SLC22A23: variants seen among roughly 807,000 people sequenced by gnomAD.
The protein encoded by SLC22A23 is ion transporter protein.
A neutral mutation model predicts 61.0 loss-of-function variants in SLC22A23; 26 were observed. The observed-to-expected ratio is 0.43, with a 90% CI of 0.31 to 0.59. The LOEUF is 0.59. SLC22A23 is among the 20% of genes least tolerant of loss of function. The pLI, the probability that SLC22A23 is intolerant of heterozygous loss-of-function variation, is 0.11. For missense variants in SLC22A23, 796 were observed against 934.7 expected, an observed-to-expected ratio of 0.85 and a Z score of 1.94; for synonymous variants, 430 against 413.9, an observed-to-expected ratio of 1.04 and a Z score of -0.47.
chr6:3,376,493 T>C (rs1463901722), intron 3 of SLC22A23, among the ~76,000 whole-genome samples: 1 of 152,152 alleles, frequency 6.6e-6, no homozygotes, highest in Non-Finnish European at 1.5e-5. Flanking sequence ...ATGTGCCTTC[T>C]TGTCCTTCTG....
In SLC22A23 at chr6:3,297,783, G is replaced by A. The variant is rs1015420031; in HGVS notation, c.1210+308C>T. Among the ~76,000 whole-genome samples, 3 of 152,208 alleles carry A rather than the reference G, an allele frequency of 2.0e-5. No individual in the cohort carries two copies. Among genetic ancestry groups the A allele is most frequent in the African/African-American group, 7.2e-5 (3 of 41,456 alleles). ...CTCTGGCAGTGTTTAGACCTGGCAG[G>A]CAGGTAGGCTATGGGCCAGACAGCC... On this transcript the variant is annotated intron_variant, in intron 5 of 9. Coordinates refer to ENST00000406686, the MANE Select transcript of SLC22A23 (RefSeq NM_015482.2). The surrounding 1 kb of genome is among the most constrained non-coding windows in gnomAD (Gnocchi z 4.3).
At chr6:3,394,323 A>G (rs1192632892) in intron 3 of SLC22A23, among the ~76,000 whole-genome samples, 1 of 152,186 alleles carries the variant, frequency 6.6e-6, no homozygotes, top group Non-Finnish European at 1.5e-5. Context: ...AGTTCTCACA[A>G]TAATTCCTGT....
At position 3,294,884 on chromosome 6, in the gene SLC22A23, C is replaced by T. The variant is rs371927669; in HGVS notation, c.1210+3207G>A. ...AATTTGAGAACATCAGGTTTTCCCC[C>T]GGCATAAGTCCAAGGTTAGGATGTA... On this transcript the variant is annotated intron_variant, in intron 5 of 9. Coordinates refer to ENST00000406686, the MANE Select transcript of SLC22A23 (RefSeq NM_015482.2). 1.7e-4 allele frequency among the ~76,000 whole-genome samples: 26 copies of T among 152,204 alleles called. No homozygotes were observed. The East Asian group carries it at 1.9e-3, about 11-fold the overall frequency.
At position 3,414,204 on chromosome 6, in the gene SLC22A23, A is replaced by AT. The variant is rs571844640; in HGVS notation, c.758+1547dup. 2.2e-4 allele frequency among the ~76,000 whole-genome samples: 33 copies of AT among 152,264 alleles called. No homozygotes were observed. Among genetic ancestry groups the AT allele is most frequent in the East Asian group, 7.7e-4 (4 of 5,190 alleles). ...ACACTACAACCCCAGTTGAGTTTGCATTTTTTTAGAAAGACAGTGACATGG... is the reference window on the plus strand; with the variant it reads ...ACACTACAACCCCAGTTGAGTTTGCATTTTTTTTAGAAAGACAGTGACATGG... On this transcript the variant is annotated intron_variant, in intron 2 of 9. Coordinates refer to ENST00000406686, the MANE Select transcript of SLC22A23 (RefSeq NM_015482.2). The surrounding 1 kb of genome is among the most constrained non-coding windows in gnomAD (Gnocchi z 5.1).
At chr6:3,279,160 T>TA (rs1034528742) in intron 9 of SLC22A23, among the ~76,000 whole-genome samples, 21 of 152,236 alleles carry the variant, frequency 1.4e-4, no homozygotes, top group Admixed American at 1.2e-3. Flanking sequence ...ATATATAATA[T>TA]GGAATATATC....
chr6:3,433,217 A>G (rs1256639383), intron 1 of SLC22A23, among the ~76,000 whole-genome samples: 2 of 152,194 alleles, frequency 1.3e-5, no homozygotes, highest in Non-Finnish European at 2.9e-5. Flanking sequence ...TCCTCAGAAC[A>G]GCTGCTAAGT....
At chr6:3,277,160 C>T (rs1758987318) in intron 9 of SLC22A23, among the ~76,000 whole-genome samples, 1 of 152,120 alleles carries the variant, frequency 6.6e-6, no homozygotes, top group African/African-American at 2.4e-5. Context: ...TAGGAGGAAC[C>T]AGAGCTGGAG....
intron 1 of SLC22A23, among the ~76,000 whole-genome samples, chr6:3,430,906 A>C (rs1395628226): frequency 6.6e-6 from 1 of 152,096 alleles, no homozygotes; most frequent in Non-Finnish European, 1.5e-5. Flanking sequence ...GTCTCTACTA[A>C]AAATACAAAA....
chr6:3,282,911 A>T (rs1289588042), intron 9 of SLC22A23, among the ~76,000 whole-genome samples: 4 of 152,124 alleles, frequency 2.6e-5, no homozygotes, highest in Non-Finnish European at 5.9e-5. Context: ...GGTCAGCCTC[A>T]CTTTCCGAAC....
chr6:3,433,157 G>T (rs753497820), intron 1 of SLC22A23, among the ~76,000 whole-genome samples: 120 of 152,208 alleles, frequency 7.9e-4, no homozygotes, highest in Non-Finnish European at 1.5e-3. Context: ...AGAGGCGGGA[G>T]GGCCTGGCTG....
Position 3,445,851 on chromosome 6 carries a change from T to C in SLC22A23, c.654+10055A>G, listed in dbSNP as rs1451178032. Among the ~76,000 whole-genome samples the C allele has an allele frequency of 2.0e-5, 3 of 151,798 alleles. No homozygotes were observed. In the South Asian group the frequency reaches 6.2e-4, roughly 32 times the overall value. On this transcript the variant is annotated intron_variant, in intron 1 of 9. Transcript: ENST00000406686. ...GGCAGGGGAGGAGAGGAAAGACATG[T>C]GGGGCTCAGGGCTGAGGGCACCCTT... is the stretch of plus-strand genomic sequence containing the variant.
Position 3,439,402 on chromosome 6 carries a change from C to T in SLC22A23, c.654+16504G>A, listed in dbSNP as rs115579837. The stretch of plus-strand genomic sequence containing the variant: ...GACTCTAAGTGCACCGGAGCCACTG[C>T]GGCCCTGGACGAAGATGGGCCCGTT... On this transcript the variant is annotated intron_variant, in intron 1 of 9. Transcript: ENST00000406686. The T allele has an allele frequency of 3.6e-3, 1,515 of 422,032 alleles. 18 individuals are homozygous for T. The highest frequency in any genetic ancestry group is 0.029 in the African/African-American group (1,388 of 48,696). 26.1% of individuals were successfully genotyped at this position (422,032 alleles called of 1,614,324 possible).
chr6:3,432,899 C>G (rs774635598), intron 1 of SLC22A23, among the ~76,000 whole-genome samples: 1 of 152,192 alleles, frequency 6.6e-6, no homozygotes, highest in Non-Finnish European at 1.5e-5. Context: ...CAGTGGCCTC[C>G]GGAACCTTGT....
At chr6:3,313,257 A>C (rs956330012) in intron 4 of SLC22A23, 1 of 152,200 alleles carries the variant, frequency 6.6e-6, no homozygotes, top group Non-Finnish European at 1.5e-5. Flanking sequence ...TTATGACTGA[A>C]ATATGGGTGA....
At chr6:3,299,485 T>TAC (rs985334413) in intron 4 of SLC22A23, among the ~76,000 whole-genome samples, 4 of 152,238 alleles carry the variant, frequency 2.6e-5, no homozygotes, top group Admixed American at 2.6e-4. Context: ...TTTCGAGTTT[T>TAC]ACCAAAGCGA....
At chr6:3,420,655 T>C (rs1770062584) in intron 1 of SLC22A23, among the ~76,000 whole-genome samples, 1 of 152,194 alleles carries the variant, frequency 6.6e-6, no homozygotes, top group Non-Finnish European at 1.5e-5. Flanking sequence ...ACATCAAAAA[T>C]ACAATAAGCA....
intron 3 of SLC22A23, among the ~76,000 whole-genome samples, chr6:3,361,812 C>G (rs1765466049): frequency 6.6e-6 from 1 of 152,226 alleles, no homozygotes; most frequent in Non-Finnish European, 1.5e-5. Flanking sequence ...GCCTCCACGG[C>G]TGGGACACCT....
At chr6:3,310,410 AAGCACCCTGTCTCCCACTCG>A (rs1561888429) in intron 4 of SLC22A23, among the ~76,000 whole-genome samples, 36 of 91,992 alleles carry the variant, frequency 3.9e-4, no homozygotes, top group Middle Eastern at 7.5e-3. Flanking sequence ...TCTCCCACTC[AAGCACCCTGTCTCCCACTCG>A]AGCACCCTGT....
chr6:3,309,499 G>T lies in SLC22A23; in HGVS notation c.1083-11281C>A, dbSNP rs1762219757. Among the ~76,000 whole-genome samples, 6 of 152,068 alleles carry T rather than the reference G, an allele frequency of 3.9e-5. No individual in the cohort carries two copies. Among genetic ancestry groups the T allele is most frequent in the Admixed American group, 3.9e-4 (6 of 15,268 alleles). On this transcript the variant is annotated intron_variant, in intron 4 of 9. Coordinates refer to ENST00000406686, the MANE Select transcript of SLC22A23 (RefSeq NM_015482.2). The surrounding 1 kb of genome is among the most constrained non-coding windows in gnomAD (Gnocchi z 4.7). ...ACGCTGGGCAGAGGCCTCAGAGCAG[G>T]GTGGCACCTGACCGTAATAAGGACT...
Sources: gnomAD v4.1 joint callset for allele counts (sites outside exome capture counted in the v4.1 genomes callset) on GRCh38, gnomAD v4.1.1 for gene constraint, Gnocchi (gnomAD v3.1) non-coding constraint, MANE v1.5 for transcripts, NCBI Gene and HGNC (gene_info 2026-07-23, HGNC 2026-07-21) for gene names.